The following CDH12 variants were observed in gnomAD, a reference collection of about 807,000 sequenced individuals.
CDH12 encodes cadherin-12.
Under a neutral mutation model 74.1 loss-of-function variants are expected in CDH12, and 41 were observed. The observed-to-expected ratio is 0.55, with a 90% CI of 0.43 to 0.72. The LOEUF is 0.72. CDH12 is among the 30% of genes least tolerant of loss of function. The probability of loss-of-function intolerance (pLI) is 0.00; values close to 1 mark genes in which losing one functional copy is unlikely to be tolerated. For synonymous variants in CDH12, 399 were observed against 355.0 expected (o/e 1.12, Z -1.39); for missense variants, 945 against 977.2 (o/e 0.97, Z 0.44).
At chr5:21,869,902 A>C (rs1751525537) in intron 6 of CDH12, among the ~76,000 whole-genome samples, 1 of 152,110 alleles carries the variant, frequency 6.6e-6, no homozygotes, top group African/African-American at 2.4e-5. Flanking sequence ...CTGTGTCCCC[A>C]CCCAAATCTT....
Position 22,853,331 on chromosome 5 carries a change from T to TTCA in CDH12, c.-799_-797dup, listed in dbSNP as rs1189582533. On this transcript the variant is annotated 5_prime_UTR_variant, in exon 1 of 15. The change creates a new upstream start codon in the 5' untranslated region. Coordinates refer to ENST00000382254, the MANE Select transcript of CDH12 (RefSeq NM_004061.5). ...TCTGTGGCTCCCTCCACATTTACCCTTCAGATCAATAATGCTCTCGGAGCG... is the reference window on the plus strand; with the variant it reads ...TCTGTGGCTCCCTCCACATTTACCCTTCATCAGATCAATAATGCTCTCGGAGCG... The TTCA allele has an allele frequency of 3.1e-4, 47 of 152,228 alleles. No individual in the cohort carries two copies. Among genetic ancestry groups the TTCA allele is most frequent in the Admixed American group, 2.8e-3 (43 of 15,288 alleles). 9.4% of individuals were successfully genotyped at this position (152,228 alleles called of 1,614,324 possible).
chr5:22,404,710 T>C (rs565724425), intron 3 of CDH12, among the ~76,000 whole-genome samples: 4 of 152,292 alleles, frequency 2.6e-5, no homozygotes, highest in African/African-American at 7.2e-5. Context: ...AAAGGAAGTA[T>C]GTGTTTGAGG....
intron 5 of CDH12, among the ~76,000 whole-genome samples, chr5:22,014,510 T>G (rs13360044): frequency 0.23 from 35,319 of 151,958 alleles, 4,254 homozygotes; most frequent in South Asian, 0.33. Flanking sequence ...CTATATAATA[T>G]GTAATGAAGG....
chr5:21,769,824 T>C (rs1745224274), intron 11 of CDH12, among the ~76,000 whole-genome samples: 2 of 152,186 alleles, frequency 1.3e-5, no homozygotes, highest in South Asian at 4.1e-4. Context: ...ATGTAATCTA[T>C]TGAGATTCCA....
chr5:22,244,316 C>T (rs1358058669), intron 3 of CDH12, among the ~76,000 whole-genome samples: 4 of 151,406 alleles, frequency 2.6e-5, no homozygotes, highest in Non-Finnish European at 5.9e-5. Context: ...ATGGTGAAAC[C>T]CTTTCTCTCA....
chr5:22,748,036 A>T (rs771160339), intron 1 of CDH12, among the ~76,000 whole-genome samples: 4 of 152,250 alleles, frequency 2.6e-5, no homozygotes, highest in Non-Finnish European at 4.4e-5. Flanking sequence ...CAAAGTGAAG[A>T]TGTTTGCCAC....
intron 1 of CDH12, among the ~76,000 whole-genome samples, chr5:22,743,276 A>ATATATGTATATATATG (rs1254101948): frequency 1.4e-5 from 2 of 146,464 alleles, no homozygotes; most frequent in Non-Finnish European, 3.0e-5. Flanking sequence ...ATATATATAT[A>ATATATGTATATATATG]TATATGTATA....
intron 3 of CDH12, among the ~76,000 whole-genome samples, chr5:22,235,587 A>T (rs1395284960): frequency 6.6e-6 from 1 of 152,138 alleles, no homozygotes; most frequent in African/African-American, 2.4e-5. Flanking sequence ...TCAAAAAAAA[A>T]AAAATCAGAA....
intron 3 of CDH12, among the ~76,000 whole-genome samples, chr5:22,302,995 C>T (rs1364927637): frequency 2.0e-5 from 3 of 152,018 alleles, no homozygotes; most frequent in Non-Finnish European, 1.5e-5. Flanking sequence ...GAAGTGTATA[C>T]TGCTTTGGCT....
chr5:22,650,212 G>C (rs1021902981), intron 1 of CDH12, among the ~76,000 whole-genome samples: 1 of 152,012 alleles, frequency 6.6e-6, no homozygotes, highest in Non-Finnish European at 1.5e-5. Flanking sequence ...CTATCATAGA[G>C]AGTGGACAGA....
intron 10 of CDH12, 108 bp downstream of exon 10, chr5:21,802,059 A>G (rs1297761917): frequency 1.1e-6 from 1 of 877,406 alleles, no homozygotes; most frequent in Non-Finnish European, 1.7e-6. Context: ...ATCATATTCT[A>G]TAATTAAATC....
At chr5:21,799,476 T>C (rs1462605454) in intron 10 of CDH12, among the ~76,000 whole-genome samples, 1 of 152,126 alleles carries the variant, frequency 6.6e-6, no homozygotes, top group Non-Finnish European at 1.5e-5. Flanking sequence ...GTTGATAGAT[T>C]GATTACTTAA....
intron 3 of CDH12, among the ~76,000 whole-genome samples, chr5:22,214,511 T>C (rs1018948169): frequency 2.0e-5 from 3 of 152,158 alleles, no homozygotes; most frequent in African/African-American, 4.8e-5. Flanking sequence ...GGGTTCCAAC[T>C]AGTCTTTAAC....
At chr5:22,166,187 C>T (rs551170103) in intron 4 of CDH12, among the ~76,000 whole-genome samples, 120 of 151,366 alleles carry the variant, frequency 7.9e-4, no homozygotes, top group Non-Finnish European at 1.4e-3. Context: ...TACATAATGG[C>T]TAGTTCCTAT....
chr5:22,010,350 T>C (rs146945823), intron 5 of CDH12, among the ~76,000 whole-genome samples: 2,374 of 152,304 alleles, frequency 0.016, 61 homozygotes, highest in African/African-American at 0.054. Flanking sequence ...ATCATGAGAA[T>C]GCTGGACTAA....
chr5:22,009,960 GA>G lies in CDH12; in HGVS notation c.232-34576del, dbSNP rs1361403982. On this transcript the variant is annotated intron_variant, in intron 5 of 14. Coordinates refer to ENST00000382254, the MANE Select transcript of CDH12 (RefSeq NM_004061.5). Reference sequence around the variant, plus strand: ...GTCTCAAAAAAAAAAAAAAAAAAAAGAAAAAAAGAAAGAAAAAAGAGAAAGA... The same window carrying G: ...GTCTCAAAAAAAAAAAAAAAAAAAAGAAAAAAGAAAGAAAAAAGAGAAAGA... Among the ~76,000 whole-genome samples, 12 of 124,218 alleles carry G rather than the reference GA, an allele frequency of 9.7e-5. No individual in the cohort carries two copies. In the South Asian group the frequency reaches 2.0e-3, roughly 20 times the overall value. 81.5% of individuals were successfully genotyped at this position (124,218 alleles called of 152,430 possible).
chr5:22,129,823 A>T (rs1746086291), intron 4 of CDH12, among the ~76,000 whole-genome samples: 1 of 152,120 alleles, frequency 6.6e-6, no homozygotes, highest in Non-Finnish European at 1.5e-5. Flanking sequence ...AAGCAAAAGT[A>T]GGGCATAATT....
chr5:22,673,656 G>A (rs917595143), intron 1 of CDH12, among the ~76,000 whole-genome samples: 1 of 152,114 alleles, frequency 6.6e-6, no homozygotes, highest in Non-Finnish European at 1.5e-5. Flanking sequence ...ATAATTAAGT[G>A]TATTTATATG....
Position 22,505,335 on chromosome 5 carries a change from C to T in CDH12, c.-493G>A. Reference sequence around the variant, plus strand: ...CTGGGTTCCAGCTTGTCTATATTTCCCAAAAGAGCCAAGCTGTTAGGTAAC... The same window carrying T: ...CTGGGTTCCAGCTTGTCTATATTTCTCAAAAGAGCCAAGCTGTTAGGTAAC... On this transcript the variant is annotated 5_prime_UTR_variant, in exon 2 of 15. Coordinates refer to ENST00000382254, the MANE Select transcript of CDH12 (RefSeq NM_004061.5). 1 of 984,380 alleles carries T rather than the reference C, an allele frequency of 1.0e-6. No homozygotes were observed. The highest frequency in any genetic ancestry group is 1.2e-6 in the Non-Finnish European group (1 of 829,186). The allele number at this position is 984,380 out of a possible 1,614,324, so 61.0% of individuals were successfully genotyped here.
Sources: allele counts gnomAD v4.1 joint callset (sites outside exome capture counted in the v4.1 genomes callset), GRCh38; gene constraint gnomAD v4.1.1; transcripts MANE v1.5; gene names NCBI Gene and HGNC (gene_info 2026-07-23, HGNC 2026-07-21).